The following GSAP variants were observed in gnomAD, a reference collection of about 807,000 sequenced individuals.
The protein encoded by GSAP is gamma-secretase-activating protein.
GSAP carries 118 observed loss-of-function variants against 131.7 expected under a neutral mutation model. The ratio of observed to expected loss-of-function variants is 0.90; its 90% CI spans 0.77 to 1.04. The LOEUF (loss-of-function observed/expected upper bound fraction) is 1.04, where lower values mean the gene tolerates loss of function less well. Among genes scored for constraint, GSAP ranks in the 50% least tolerant of loss-of-function variants. The probability of loss-of-function intolerance (pLI) is 0.00; values close to 1 mark genes in which losing one functional copy is unlikely to be tolerated. For synonymous variants in GSAP, 381 were observed against 363.4 expected (o/e 1.05, Z -0.55); for missense variants, 1,019 against 1,013.2 (o/e 1.01, Z -0.08).
At chr7:77,366,657 G>C (rs1320967530) in intron 12 of GSAP, among the ~76,000 whole-genome samples, 2 of 152,084 alleles carry the variant, frequency 1.3e-5, no homozygotes, top group Non-Finnish European at 2.9e-5. Context: ...TTTGAAGTTG[G>C]GTAACATGAT....
intron 5 of GSAP, among the ~76,000 whole-genome samples, chr7:77,391,273 A>C (rs987704413): frequency 6.6e-6 from 1 of 152,130 alleles, no homozygotes; most frequent in Non-Finnish European, 1.5e-5. Flanking sequence ...TGAAGGCAGA[A>C]AACACCTTTC....
At chr7:77,355,718 C>T (rs1249885538) in intron 14 of GSAP, 71 bp from the exon 15 acceptor site, 1 of 876,158 alleles carries the variant, frequency 1.1e-6, no homozygotes. Context: ...TCACATTATC[C>T]CTGCTTGTCT....
intron 8 of GSAP, 110 bp from the exon 9 acceptor site, chr7:77,377,500 T>C: frequency 2.4e-6 from 3 of 1,273,780 alleles, no homozygotes; most frequent in Non-Finnish European, 3.1e-6. Context: ...TACATGTAAA[T>C]ATTTCCACAG....
chr7:77,359,525 T>C (rs1325240946), intron 14 of GSAP, among the ~76,000 whole-genome samples: 1 of 152,158 alleles, frequency 6.6e-6, no homozygotes, highest in Non-Finnish European at 1.5e-5. Context: ...TCCAGGGAAA[T>C]TGCACGTAAT....
chr7:77,348,936 CTGTGTGTG>C (rs143107394), intron 19 of GSAP, among the ~76,000 whole-genome samples: 2 of 150,976 alleles, frequency 1.3e-5, no homozygotes, highest in Non-Finnish European at 3.0e-5. Flanking sequence ...ACTGGAAATT[CTGTGTGTG>C]TGTGTGTGTG....
intron 12 of GSAP, among the ~76,000 whole-genome samples, chr7:77,367,029 T>A (rs1045454652): frequency 3.3e-5 from 5 of 152,214 alleles, no homozygotes; most frequent in Non-Finnish European, 7.3e-5. Context: ...TTGACTTTGC[T>A]CTTGTTGGTG....
intron 18 of GSAP, among the ~76,000 whole-genome samples, chr7:77,350,626 C>A (rs1489306739): frequency 6.6e-6 from 1 of 151,054 alleles, no homozygotes; most frequent in Non-Finnish European, 1.5e-5. Flanking sequence ...GCCTGTATTT[C>A]CAGCTACTCA....
intron 9 of GSAP, 69 bp downstream of exon 9, chr7:77,377,217 T>TA (rs145079993): frequency 0.067 from 79,316 of 1,189,574 alleles, 3,404 homozygotes; most frequent in Non-Finnish European, 0.076. Context: ...ACCCTGTCTC[T>TA]AAAAAAATTA....
rs1485349843 is a variant in GSAP at position 77,386,592 on chromosome 7, CAT to C, written c.456+766_456+767del. Among the ~76,000 whole-genome samples the C allele has an allele frequency of 5.3e-5, 8 of 152,314 alleles. No homozygotes were observed. In the South Asian group the frequency reaches 8.3e-4, roughly 16 times the overall value. On this transcript the variant is annotated intron_variant, in intron 6 of 30. Coordinates refer to ENST00000257626, the MANE Select transcript of GSAP (RefSeq NM_017439.4). ...GCCTGAATGAAGCTTATCTGAAACA[CAT>C]GTTTTCTCCCTAAGGCATCTGACAG...
intron 10 of GSAP, among the ~76,000 whole-genome samples, chr7:77,375,336 GC>G (rs1796688996): frequency 6.6e-6 from 1 of 152,122 alleles, no homozygotes; most frequent in African/African-American, 2.4e-5. Context: ...TTCTTAAAGG[GC>G]TAATGCTTGA....
Position 77,397,154 on chromosome 7 carries a change from G to A in GSAP, c.314-119C>T, listed in dbSNP as rs1184931376. 6 of 716,824 alleles carry A rather than the reference G, an allele frequency of 8.4e-6. No homozygotes were observed. In the African/African-American group the frequency reaches 9.0e-5, roughly 11 times the overall value. The allele number at this position is 716,824 out of a possible 1,614,324, so 44.4% of individuals were successfully genotyped here. A position where few individuals can be genotyped will look rare whatever the true frequency, so the allele number is the denominator to read the frequency against. On this transcript the variant is annotated intron_variant, in intron 4 of 30. Coordinates refer to ENST00000257626, the MANE Select transcript of GSAP (RefSeq NM_017439.4). ...AAGGATATGTCAACGGAAGATAAGG[G>A]CAGAACACAAAGCATTCTTTTTTGT...
chr7:77,413,373 T>C (rs1053996942), intron 1 of GSAP, among the ~76,000 whole-genome samples: 1 of 152,222 alleles, frequency 6.6e-6, no homozygotes, highest in Non-Finnish European at 1.5e-5. Flanking sequence ...GGCAGCCCTC[T>C]TGGCAGGCAA....
intron 1 of GSAP, chr7:77,415,921 A>T (rs1246621496): frequency 6.1e-6 from 2 of 329,508 alleles, no homozygotes; most frequent in African/African-American, 4.3e-5. Context: ...ATGCTGAGGG[A>T]ACCGCCAGCG....
At chr7:77,377,218 A>G (rs1044809271) in intron 9 of GSAP, 68 bp downstream of exon 9, 2 of 1,228,150 alleles carry the variant, frequency 1.6e-6, no homozygotes, top group Non-Finnish European at 2.1e-6. Context: ...CCCTGTCTCT[A>G]AAAAAATTAA....
chr7:77,350,659 C>T (rs558193249), intron 18 of GSAP, among the ~76,000 whole-genome samples: 3 of 151,850 alleles, frequency 2.0e-5, no homozygotes, highest in African/African-American at 7.2e-5. Flanking sequence ...AGGACAATCA[C>T]TTGAACCTGG....
intron 16 of GSAP, 44 bp downstream of exon 16, chr7:77,355,169 G>A (rs997266092): frequency 3.3e-6 from 4 of 1,199,746 alleles, no homozygotes; most frequent in Non-Finnish European, 4.9e-6. Flanking sequence ...AATATGTTCA[G>A]TGTCGTCTAT....
In GSAP at chr7:77,376,848, C is replaced by CA; in HGVS notation, c.740dup (p.Met247IlefsTer3). On this transcript the variant is annotated frameshift_variant and splice_region_variant, in exon 10 of 31. Transcript: ENST00000257626. LOFTEE classifies it high-confidence loss of function. ...TAGTGTGATCATTTTCTGGACTTAC[C>CA]ATTAAGTTATAGCTCTCATCAGCAT... The CA allele has an allele frequency of 7.2e-7, 1 of 1,394,426 alleles. No homozygotes were observed. The highest frequency in any genetic ancestry group is 1.0e-6 in the Non-Finnish European group (1 of 1,004,880). The allele number at this position is 1,394,426 out of a possible 1,614,324, so 86.4% of individuals were successfully genotyped here. A position where few individuals can be genotyped will look rare whatever the true frequency, so the allele number is the denominator to read the frequency against.
chr7:77,360,742 A>T, intron 14 of GSAP, 82 bp downstream of exon 14: 2 of 729,700 alleles, frequency 2.7e-6, no homozygotes, highest in Non-Finnish European at 5.0e-6. Flanking sequence ...GGCATGAGAA[A>T]TGGGATAGTA....
intron 17 of GSAP, 146 bp from the exon 18 acceptor site, chr7:77,353,172 A>G (rs1793146034): frequency 3.3e-6 from 2 of 600,244 alleles, no homozygotes; most frequent in Non-Finnish European, 3.0e-6. Flanking sequence ...TCATGATTTT[A>G]TCTACTGACT....
Sources: allele counts gnomAD v4.1 joint callset (sites outside exome capture counted in the v4.1 genomes callset), GRCh38; gene constraint gnomAD v4.1.1; transcripts MANE v1.5; gene names NCBI Gene and HGNC (gene_info 2026-07-23, HGNC 2026-07-21).